The following ALK variants were observed in gnomAD, a reference collection of about 807,000 sequenced individuals.
ALK encodes ALK tyrosine kinase receptor.
A neutral mutation model predicts 163.1 loss-of-function variants in ALK; 74 were observed. The ratio of observed to expected loss-of-function variants is 0.45; its 90% CI spans 0.38 to 0.55. The LOEUF is 0.55. Among genes scored for constraint, ALK ranks in the 20% least tolerant of loss-of-function variants. The pLI is 0.00. For missense variants in ALK, 2,063 were observed against 2,105.3 expected (o/e 0.98, Z 0.39); for synonymous variants, 960 against 843.2 (o/e 1.14, Z -2.40).
Position 29,692,961 on chromosome 2 carries a change from T to A in ALK, c.952+1889A>T, listed in dbSNP as rs191395709. Among the ~76,000 whole-genome samples, 1,302 of 152,288 alleles carry A rather than the reference T, an allele frequency of 8.5e-3. 16 individuals are homozygous for A. Among genetic ancestry groups the A allele is most frequent in the South Asian group, 0.044 (210 of 4,814 alleles). On this transcript the variant is annotated intron_variant, in intron 3 of 28. Transcript: ENST00000389048. ...TCAAAGTGAACAGATCAAAAACAAT[T>A]TAATCCCATTTATATACAAGGGTGA...
intron 5 of ALK, among the ~76,000 whole-genome samples, chr2:29,380,662 G>A (rs1277426738): frequency 3.3e-5 from 5 of 152,074 alleles, no homozygotes; most frequent in Admixed American, 6.5e-5. Flanking sequence ...TCGAACTCCC[G>A]ACCTCAGGTA....
chr2:29,326,669 A>T (rs1022531757), intron 6 of ALK, among the ~76,000 whole-genome samples: 1 of 152,250 alleles, frequency 6.6e-6, no homozygotes, highest in Admixed American at 6.5e-5. Context: ...CTAAAAACAT[A>T]CAACTATTCC....
chr2:29,640,790 C>T (rs748789575), intron 3 of ALK, among the ~76,000 whole-genome samples: 24 of 151,992 alleles, frequency 1.6e-4, no homozygotes, highest in African/African-American at 4.1e-4. Flanking sequence ...GTGTAGACAC[C>T]GCTACCAATG....
chr2:29,377,507 T>G (rs1384984179), intron 5 of ALK, among the ~76,000 whole-genome samples: 1 of 145,844 alleles, frequency 6.9e-6, no homozygotes, highest in Admixed American at 6.9e-5. Context: ...GAGCTTAGAA[T>G]CAGACTGTCC....
chr2:29,771,082 C>A (rs1200227601), intron 1 of ALK, among the ~76,000 whole-genome samples: 2 of 152,014 alleles, frequency 1.3e-5, no homozygotes, highest in Non-Finnish European at 2.9e-5. Context: ...GACATGCACA[C>A]ATACACAGAA....
intron 4 of ALK, among the ~76,000 whole-genome samples, chr2:29,497,764 G>A (rs1672068372): frequency 6.6e-6 from 1 of 152,080 alleles, no homozygotes; most frequent in Admixed American, 6.5e-5. Context: ...GTCATGTAGG[G>A]TGCCTTGAAA....
At chr2:29,885,961 TC>T (rs930936315) in intron 1 of ALK, among the ~76,000 whole-genome samples, 1 of 152,102 alleles carries the variant, frequency 6.6e-6, no homozygotes, top group African/African-American at 2.4e-5. Context: ...TGCCTGCCTC[TC>T]CTGCCTTCTC....
At chr2:29,247,148 C>T (rs967331639) in intron 12 of ALK, among the ~76,000 whole-genome samples, 9 of 150,128 alleles carry the variant, frequency 6.0e-5, no homozygotes, top group East Asian at 5.9e-4. Flanking sequence ...CCTTTTACCC[C>T]GGCCTCCGCG....
chr2:29,717,441 G>T, intron 2 of ALK, 137 bp downstream of exon 2: 1 of 1,031,456 alleles, frequency 9.7e-7, no homozygotes, highest in Non-Finnish European at 1.5e-6. Context: ...GAGACAGAGG[G>T]CTCAGAAAGA....
At chr2:29,794,651 G>A (rs1162599595) in intron 1 of ALK, among the ~76,000 whole-genome samples, 1 of 152,048 alleles carries the variant, frequency 6.6e-6, no homozygotes, top group Non-Finnish European at 1.5e-5. Flanking sequence ...TGTATCTCAG[G>A]GAACAGGGAA....
At chr2:29,639,047 T>C (rs908607132) in intron 3 of ALK, among the ~76,000 whole-genome samples, 1 of 152,184 alleles carries the variant, frequency 6.6e-6, no homozygotes, top group African/African-American at 2.4e-5. Flanking sequence ...AATTAGAAAG[T>C]AGCTGAAATT....
At chr2:29,543,315 C>G (rs1275746542) in intron 3 of ALK, among the ~76,000 whole-genome samples, 1 of 152,134 alleles carries the variant, frequency 6.6e-6, no homozygotes, top group African/African-American at 2.4e-5. Context: ...TGATCAGTCC[C>G]TCACATTTAA....
intron 1 of ALK, among the ~76,000 whole-genome samples, chr2:29,859,017 A>G (rs1666215755): frequency 6.7e-6 from 1 of 149,712 alleles, no homozygotes; most frequent in African/African-American, 2.5e-5. Context: ...TGAGCAACAG[A>G]GCAAGACTCT....
chr2:29,215,520 G>A (rs758440983), intron 23 of ALK, among the ~76,000 whole-genome samples: 4 of 152,130 alleles, frequency 2.6e-5, no homozygotes, highest in Admixed American at 1.3e-4. Flanking sequence ...CCATATTAAC[G>A]ATGAGAAGGC....
intron 1 of ALK, among the ~76,000 whole-genome samples, chr2:29,819,132 G>T (rs548042075): frequency 4.2e-4 from 64 of 152,280 alleles, no homozygotes; most frequent in Middle Eastern, 3.4e-3. Context: ...TATAAATAAA[G>T]AATCTCAGCC....
At chr2:29,804,132 C>T (rs935893344) in intron 1 of ALK, among the ~76,000 whole-genome samples, 2 of 152,174 alleles carry the variant, frequency 1.3e-5, no homozygotes, top group African/African-American at 4.8e-5. Flanking sequence ...TAAAAGCCTG[C>T]CTATCTGTGA....
intron 28 of ALK, among the ~76,000 whole-genome samples, chr2:29,194,651 C>A (rs1029086609): frequency 1.5e-4 from 16 of 108,308 alleles, no homozygotes; most frequent in African/African-American, 5.7e-4. Context: ...AGGCATGCAC[C>A]CCACCCCCCC....
In ALK at chr2:29,328,342, C is replaced by T. The variant is rs2148258170; in HGVS notation, c.1414+8G>A. ...CTCAGGCAGGGTGGGGCAGCCCCAT[C>T]TACTCACGGCACATCTGGCTCTCAT... On this transcript the variant is annotated splice_region_variant and intron_variant, in intron 6 of 28. Coordinates refer to ENST00000389048, the MANE Select transcript of ALK (RefSeq NM_004304.5). 7 of 1,614,138 alleles carry T rather than the reference C, an allele frequency of 4.3e-6. No individual in the cohort carries two copies. The highest frequency in any genetic ancestry group is 5.9e-6 in the Non-Finnish European group (7 of 1,180,002).
At chr2:29,607,707 T>G (rs1012060374) in intron 3 of ALK, among the ~76,000 whole-genome samples, 13 of 152,176 alleles carry the variant, frequency 8.5e-5, no homozygotes, top group African/African-American at 2.9e-4. Context: ...TCTACCTCCC[T>G]CTCAGCCACT....
Sources: allele counts gnomAD v4.1 joint callset (sites outside exome capture counted in the v4.1 genomes callset), GRCh38; gene constraint gnomAD v4.1.1; transcripts MANE v1.5; gene names NCBI Gene and HGNC (gene_info 2026-07-23, HGNC 2026-07-21).